Variants in UQCRFS1 observed in about 807,000 individuals in gnomAD.
UQCRFS1 encodes ubiquinol-cytochrome c reductase, Rieske iron-sulfur polypeptide 1.
Under a neutral mutation model 15.6 loss-of-function variants are expected in UQCRFS1, and 6 were observed. The observed-to-expected ratio is 0.38, with a 90% CI of 0.21 to 0.76. UQCRFS1 has a LOEUF of 0.76. Among genes scored for constraint, UQCRFS1 ranks in the 30% least tolerant of loss-of-function variants. The pLI is 0.44. For synonymous variants in UQCRFS1, 105 were observed against 154.3 expected, an observed-to-expected ratio of 0.68 and a Z score of 2.37; for missense variants, 203 against 366.7, an observed-to-expected ratio of 0.55 and a Z score of 3.65.
chr19:29,207,635 A>G lies in UQCRFS1; in HGVS notation c.738T>C (p.Ser246=). 6.2e-7 allele frequency: 1 copy of G among 1,614,000 alleles called. No individual in the cohort carries two copies. The highest frequency in any genetic ancestry group is 8.5e-7 in the Non-Finnish European group (1 of 1,179,870). ...CPCHGSHYDA[S]GRIRLGPAPL... The stretch of plus-strand genomic sequence containing the variant: ...GAGCAGGACCCAATCTGATCCTGCC[A>G]GATGCATCATAGTGTGACCCATGGC... Residue 246 remains serine, a synonymous_variant, in exon 2 of 2, where the codon TCT becomes TCC. Transcript: ENST00000304863.
intron 1 of UQCRFS1, among the ~76,000 whole-genome samples, chr19:29,208,728 G>A (rs1042959643): frequency 6.6e-6 from 1 of 152,088 alleles, no homozygotes; most frequent in East Asian, 1.9e-4. Flanking sequence ...AACATTCTGT[G>A]AACTGTATAA....
chr19:29,207,598 C>T lies in UQCRFS1; in HGVS notation c.775G>A (p.Glu259Lys). 1 of 1,613,902 alleles carries T rather than the reference C, an allele frequency of 6.2e-7. No individual in the cohort carries two copies. Among genetic ancestry groups the T allele is most frequent in the Non-Finnish European group, 8.5e-7 (1 of 1,179,814 alleles). Residue 259 changes from glutamate (E) to lysine (K), a missense_variant, in exon 2 of 2, where the codon GAA (glutamate) becomes AAA (lysine). By Grantham distance (56) the Glu-to-Lys change is moderately conservative (BLOSUM62 1). This residue lies in a region of UQCRFS1 where 91 missense variants were observed against 186.9 expected (regional missense o/e 0.49). Coordinates refer to ENST00000304863, the MANE Select transcript of UQCRFS1 (RefSeq NM_006003.3). The part of the protein sequence containing the change: ...IRLGPAPLNL[E>K]VPTYEFTSDD... ...CTGGTGAACTCATACGTGGGGACTT[C>T]AAGGTTGAGAGGAGCAGGACCCAAT...
At chr19:29,211,160 A>G (rs1936180032) in intron 1 of UQCRFS1, among the ~76,000 whole-genome samples, 1 of 138,558 alleles carries the variant, frequency 7.2e-6, no homozygotes, top group African/African-American at 2.8e-5. Flanking sequence ...CAGAATCTAC[A>G]ATGAACTCAA....
chr19:29,208,725 T>C (rs1976616540), intron 1 of UQCRFS1, among the ~76,000 whole-genome samples: 2 of 152,222 alleles, frequency 1.3e-5, no homozygotes, highest in South Asian at 2.1e-4. Flanking sequence ...ATAAACATTC[T>C]GTGAACTGTA....
intron 1 of UQCRFS1, among the ~76,000 whole-genome samples, chr19:29,210,567 G>A (rs1304264320): frequency 1.5e-5 from 2 of 136,052 alleles, no homozygotes; most frequent in African/African-American, 5.6e-5. Flanking sequence ...GTGTCCATGT[G>A]TTCTCATTGT....
chr19:29,212,869 C>A (rs774513443), intron 1 of UQCRFS1, 36 bp downstream of exon 1: 4 of 1,408,060 alleles, frequency 2.8e-6, no homozygotes, highest in African/African-American at 3.0e-5. Context: ...CACCGAGAGA[C>A]CCCCAGCCCT....
intron 1 of UQCRFS1, among the ~76,000 whole-genome samples, chr19:29,208,388 G>A (rs1233073239): frequency 1.3e-5 from 2 of 152,200 alleles, no homozygotes; most frequent in Non-Finnish European, 2.9e-5. Flanking sequence ...GAAATCACAA[G>A]ATACTATTTG....
chr19:29,210,069 C>T (rs942452815), intron 1 of UQCRFS1, among the ~76,000 whole-genome samples: 9 of 152,200 alleles, frequency 5.9e-5, no homozygotes, highest in Admixed American at 5.2e-4. Flanking sequence ...AAATCAAATA[C>T]TTAAAGGAGA....
At chr19:29,210,095 TAACAA>T (rs1381965174) in intron 1 of UQCRFS1, among the ~76,000 whole-genome samples, 3 of 152,224 alleles carry the variant, frequency 2.0e-5, no homozygotes, top group East Asian at 1.9e-4. Flanking sequence ...TAAGGAATTT[TAACAA>T]AACAAGTTTT....
chr19:29,212,842 G>A (rs1395665117), intron 1 of UQCRFS1, 63 bp downstream of exon 1: 6 of 1,346,634 alleles, frequency 4.5e-6, no homozygotes, highest in African/African-American at 1.5e-5. Context: ...CTCCCTGCTG[G>A]GGGCCGGAGG....
Position 29,205,764 on chromosome 19 carries a change from A to C in UQCRFS1, c.*1784T>G, listed in dbSNP as rs951965241. 6.6e-6 allele frequency: 1 copy of C among 152,192 alleles called. No individual in the cohort carries two copies. Among genetic ancestry groups the C allele is most frequent in the African/African-American group, 2.4e-5 (1 of 41,450 alleles). 9.4% of individuals were successfully genotyped at this position (152,192 alleles called of 1,614,324 possible). A position where few individuals can be genotyped will look rare whatever the true frequency, so the allele number is the denominator to read the frequency against. ...ACAGGTCTGCCGTATCCATTCAGCA[A>C]AACAGCATGAAGTGACTTGACTTGT... On this transcript the variant is annotated 3_prime_UTR_variant, in exon 2 of 2. Coordinates refer to ENST00000304863, the MANE Select transcript of UQCRFS1 (RefSeq NM_006003.3).
chr19:29,211,576 G>A (rs1182699517), intron 1 of UQCRFS1, among the ~76,000 whole-genome samples: 2 of 152,210 alleles, frequency 1.3e-5, no homozygotes, highest in East Asian at 3.8e-4. Flanking sequence ...CCTTCTCTAT[G>A]CCCTTAAGCC....
intron 1 of UQCRFS1, among the ~76,000 whole-genome samples, chr19:29,210,373 T>TTA (rs1976632462): frequency 1.3e-5 from 2 of 151,730 alleles, no homozygotes; most frequent in Admixed American, 1.3e-4. Context: ...ATTTTTTTTT[T>TTA]ATTATACTTT....
In UQCRFS1 at chr19:29,206,785, G is replaced by A. The variant is rs913602375; in HGVS notation, c.*763C>T. On this transcript the variant is annotated 3_prime_UTR_variant, in exon 2 of 2. Transcript: ENST00000304863. ...TGATAGAGTGGATGCAGGAACTTTG[G>A]GGACATGATGAACCACACACAAAAT... 1.3e-5 allele frequency: 2 copies of A among 152,170 alleles called. No homozygotes were observed. Among genetic ancestry groups the A allele is most frequent in the African/African-American group, 4.8e-5 (2 of 41,426 alleles). 9.4% of individuals were successfully genotyped at this position (152,170 alleles called of 1,614,324 possible). A position where few individuals can be genotyped will look rare whatever the true frequency, so the allele number is the denominator to read the frequency against.
chr19:29,211,163 G>A (rs1312135712), intron 1 of UQCRFS1, among the ~76,000 whole-genome samples: 1 of 132,716 alleles, frequency 7.5e-6, no homozygotes, highest in Non-Finnish European at 1.6e-5. Context: ...AATCTACAAT[G>A]AACTCAAACA....
intron 1 of UQCRFS1, among the ~76,000 whole-genome samples, chr19:29,212,520 C>T (rs566976165): frequency 1.8e-4 from 27 of 152,236 alleles, no homozygotes; most frequent in Non-Finnish European, 3.8e-4. Context: ...AACGGCTTTA[C>T]GTAGAATTCC....
At chr19:29,212,788 C>T in intron 1 of UQCRFS1, 117 bp downstream of exon 1, 1 of 1,151,764 alleles carries the variant, frequency 8.7e-7, no homozygotes, top group African/African-American at 1.6e-5. Context: ...GCGGAGGCCG[C>T]CCAGCCCGAC....
chr19:29,212,375 G>GTT (rs560671922), intron 1 of UQCRFS1, among the ~76,000 whole-genome samples: 1 of 101,698 alleles, frequency 9.8e-6, no homozygotes, highest in Non-Finnish European at 2.4e-5. Context: ...CCTTGTGTAT[G>GTT]TTTTTTTTGT....
chr19:29,208,608 C>T (rs1005288838), intron 1 of UQCRFS1, among the ~76,000 whole-genome samples: 20 of 152,332 alleles, frequency 1.3e-4, no homozygotes, highest in African/African-American at 3.1e-4. Context: ...ATCTAGTCCA[C>T]ACAGTAAGTT....
Sources: allele counts gnomAD v4.1 joint callset (sites outside exome capture counted in the v4.1 genomes callset), GRCh38; gene constraint gnomAD v4.1.1; regional missense constraint gnomAD v4.1.1; transcripts MANE v1.5; gene names NCBI Gene and HGNC (gene_info 2026-07-23, HGNC 2026-07-21).